Variants in IMMP2L observed in about 807,000 individuals in gnomAD.
IMMP2L encodes mitochondrial inner membrane protease subunit 2.
IMMP2L carries 18 observed loss-of-function variants against 19.3 expected under a neutral mutation model. That is an observed-to-expected ratio of 0.93 (90% confidence interval 0.64 to 1.38). IMMP2L has a LOEUF of 1.38. Ranked by LOEUF, IMMP2L falls within the 40% of genes most tolerant of loss-of-function variation. The pLI is 0.00. For missense variants in IMMP2L, 233 were observed against 218.2 expected (o/e 1.07, Z -0.43); for synonymous variants, 76 against 73.0 (o/e 1.04, Z -0.21).
chr7:110,943,039 A>C (rs1485284608), intron 4 of IMMP2L, among the ~76,000 whole-genome samples: 1 of 152,000 alleles, frequency 6.6e-6, no homozygotes, highest in Non-Finnish European at 1.5e-5. Flanking sequence ...ATCCCTGAAC[A>C]GTATACCTTT....
At chr7:111,500,853 T>G (rs967200738) in intron 2 of IMMP2L, among the ~76,000 whole-genome samples, 1 of 151,792 alleles carries the variant, frequency 6.6e-6, no homozygotes, top group Non-Finnish European at 1.5e-5. Flanking sequence ...CAAAAGTAGA[T>G]AAAACCACAA....
intron 5 of IMMP2L, among the ~76,000 whole-genome samples, chr7:110,862,347 A>T (rs1009410721): frequency 1.0e-4 from 14 of 139,968 alleles, no homozygotes; most frequent in African/African-American, 4.4e-4. Context: ...TACATTTTTT[A>T]TTTTTTTTTA....
chr7:111,445,835 G>A (rs552192412), intron 3 of IMMP2L, among the ~76,000 whole-genome samples: 2 of 152,282 alleles, frequency 1.3e-5, no homozygotes, highest in East Asian at 3.9e-4. Context: ...AGTGGGCGCA[G>A]GCCAGTGGGT....
chr7:110,834,389 TTA>T (rs145376725), intron 5 of IMMP2L, among the ~76,000 whole-genome samples: 3 of 150,154 alleles, frequency 2.0e-5, no homozygotes, highest in Admixed American at 6.7e-5. Context: ...ATATGCAACT[TTA>T]TATATATATA....
chr7:111,158,378 G>A (rs1296611517), intron 3 of IMMP2L, among the ~76,000 whole-genome samples: 1 of 152,014 alleles, frequency 6.6e-6, no homozygotes, highest in African/African-American at 2.4e-5. Flanking sequence ...ATTCATAAGG[G>A]TGAGATTTTT....
chr7:111,158,006 C>T (rs531610989), intron 3 of IMMP2L, among the ~76,000 whole-genome samples: 1 of 151,988 alleles, frequency 6.6e-6, no homozygotes, highest in African/African-American at 2.4e-5. Flanking sequence ...CAAATCTGGC[C>T]CCGATGACAT....
chr7:111,194,086 C>T (rs951409964), intron 3 of IMMP2L, among the ~76,000 whole-genome samples: 2 of 152,148 alleles, frequency 1.3e-5, no homozygotes, highest in East Asian at 3.8e-4. Context: ...TCATATGGCA[C>T]AAAGTTTCTA....
At chr7:111,549,933 T>C in intron 1 of IMMP2L, among the ~76,000 whole-genome samples, 1 of 139,374 alleles carries the variant, frequency 7.2e-6, no homozygotes. Flanking sequence ...AGAGCGAGAC[T>C]CCGTGTCAAA....
At chr7:111,546,247 A>C (rs1848922398) in intron 1 of IMMP2L, among the ~76,000 whole-genome samples, 1 of 152,130 alleles carries the variant, frequency 6.6e-6, no homozygotes, top group Non-Finnish European at 1.5e-5. Context: ...CAAATTTTCC[A>C]AACTGACCTC....
chr7:111,310,068 C>CT (rs1262881703), intron 3 of IMMP2L, among the ~76,000 whole-genome samples: 1 of 151,898 alleles, frequency 6.6e-6, no homozygotes, highest in African/African-American at 2.4e-5. Context: ...AATCCCAACT[C>CT]TACTAAAAAT....
intron 4 of IMMP2L, among the ~76,000 whole-genome samples, chr7:110,892,679 C>T (rs1810927537): frequency 6.6e-6 from 1 of 152,016 alleles, no homozygotes; most frequent in Non-Finnish European, 1.5e-5. Context: ...TACTCCCAAC[C>T]TCAAATTCTG....
At chr7:110,904,575 G>C (rs1365029033) in intron 4 of IMMP2L, among the ~76,000 whole-genome samples, 1 of 152,062 alleles carries the variant, frequency 6.6e-6, no homozygotes, top group Non-Finnish European at 1.5e-5. Context: ...TTATTCCCAG[G>C]GTTTGTGTTC....
In IMMP2L at chr7:110,768,797, C is replaced by T. The variant is rs769100172; in HGVS notation, c.409-105076G>A. 2.6e-5 allele frequency among the ~76,000 whole-genome samples: 4 copies of T among 152,154 alleles called. No homozygotes were observed. In the South Asian group the frequency reaches 6.2e-4, roughly 24 times the overall value. On this transcript the variant is annotated intron_variant, in intron 5 of 5. Coordinates refer to ENST00000405709, the MANE Select transcript of IMMP2L (RefSeq NM_032549.4). Reference sequence around the variant, plus strand: ...CGACATGTTGTGATTGCTTACTTTCCTATCTCTCCCACTGGATCATCAGCT... The same window carrying T: ...CGACATGTTGTGATTGCTTACTTTCTTATCTCTCCCACTGGATCATCAGCT...
chr7:110,973,306 C>T (rs917356681), intron 3 of IMMP2L, among the ~76,000 whole-genome samples: 5 of 151,984 alleles, frequency 3.3e-5, no homozygotes, highest in African/African-American at 4.8e-5. Context: ...TTTTAGTTGT[C>T]GGTCATACCT....
At chr7:111,251,903 A>G (rs1816176018) in intron 3 of IMMP2L, among the ~76,000 whole-genome samples, 1 of 152,050 alleles carries the variant, frequency 6.6e-6, no homozygotes, top group South Asian at 2.1e-4. Context: ...TGAGGGGGAA[A>G]AAAACATAAT....
intron 3 of IMMP2L, among the ~76,000 whole-genome samples, chr7:111,064,829 G>C (rs868129044): frequency 9.2e-5 from 14 of 152,162 alleles, no homozygotes; most frequent in Non-Finnish European, 1.9e-4. Context: ...CTACTACTCC[G>C]CAATGGAGAC....
intron 4 of IMMP2L, among the ~76,000 whole-genome samples, chr7:110,903,319 T>C (rs899040777): frequency 1.3e-5 from 2 of 152,222 alleles, no homozygotes; most frequent in Admixed American, 1.3e-4. Context: ...TTGTTGAGTA[T>C]AGGTACAATG....
Position 110,937,153 on chromosome 7 carries a change from T to C in IMMP2L, c.305+26347A>G, listed in dbSNP as rs148959871. 2.5e-4 allele frequency among the ~76,000 whole-genome samples: 38 copies of C among 152,240 alleles called. 2 individuals are homozygous for C. The highest frequency in any genetic ancestry group is 8.2e-4 in the African/African-American group (34 of 41,550). On this transcript the variant is annotated intron_variant, in intron 4 of 5. Transcript: ENST00000405709. Reference sequence around the variant, plus strand: ...CCACCATGGCACGTGTACATCTATGTAACAAACCTGCATGTTCTGCACACG... The same window carrying C: ...CCACCATGGCACGTGTACATCTATGCAACAAACCTGCATGTTCTGCACACG...
chr7:111,201,831 G>C (rs557817519), intron 3 of IMMP2L, among the ~76,000 whole-genome samples: 4 of 152,138 alleles, frequency 2.6e-5, no homozygotes, highest in Admixed American at 6.5e-5. Context: ...TAAAGAGCTT[G>C]TTTGCCCCTT....
Sources: gnomAD v4.1 joint callset for allele counts (sites outside exome capture counted in the v4.1 genomes callset) on GRCh38, gnomAD v4.1.1 for gene constraint, MANE v1.5 for transcripts, NCBI Gene and HGNC (gene_info 2026-07-23, HGNC 2026-07-21) for gene names.